The following SGMS2 variants were observed in gnomAD, a reference collection of about 807,000 sequenced individuals.
SGMS2 encodes the protein phosphatidylcholine:ceramide cholinephosphotransferase 2.
In SGMS2, 21 loss-of-function variants were observed where a neutral mutation model predicts 43.8. The ratio of observed to expected loss-of-function variants is 0.48; its 90% CI spans 0.34 to 0.69. The LOEUF (loss-of-function observed/expected upper bound fraction) is 0.69, where lower values mean the gene tolerates loss of function less well. Ranked by LOEUF, SGMS2 falls within the 30% of genes least tolerant of loss-of-function variation. SGMS2 has a pLI of 0.01. For missense variants in SGMS2, 384 were observed against 443.2 expected, an observed-to-expected ratio of 0.87 and a Z score of 1.20; for synonymous variants, 167 against 160.6, an observed-to-expected ratio of 1.04 and a Z score of -0.30.
intron 2 of SGMS2, among the ~76,000 whole-genome samples, chr4:107,859,251 G>T (rs535242906): frequency 6.6e-6 from 1 of 152,172 alleles, no homozygotes; most frequent in South Asian, 2.1e-4. Context: ...TGACCCTGAT[G>T]ATAGCTGTTT....
At chr4:107,832,214 T>C (rs937692446) in intron 1 of SGMS2, among the ~76,000 whole-genome samples, 2 of 152,196 alleles carry the variant, frequency 1.3e-5, no homozygotes, top group African/African-American at 4.8e-5. Flanking sequence ...AATATACCAG[T>C]TCTTCTGCAT....
chr4:107,861,440 G>A (rs1009894682), intron 2 of SGMS2, among the ~76,000 whole-genome samples: 8 of 152,164 alleles, frequency 5.3e-5, no homozygotes, highest in African/African-American at 1.9e-4. Context: ...GCTTCAGGAG[G>A]TCCACCTATC....
intron 1 of SGMS2, among the ~76,000 whole-genome samples, chr4:107,837,034 A>G (rs1023210193): frequency 2.0e-5 from 3 of 152,222 alleles, no homozygotes; most frequent in African/African-American, 4.8e-5. Context: ...TAATCAAATA[A>G]CTTCATGACA....
At position 107,895,861 on chromosome 4, in the gene SGMS2, G is replaced by A; in HGVS notation, c.308G>A (p.Arg103Lys). 11 of 1,613,912 alleles carry A rather than the reference G, an allele frequency of 6.8e-6. No individual in the cohort carries two copies. Among genetic ancestry groups the A allele is most frequent in the Non-Finnish European group, 9.3e-6 (11 of 1,179,942 alleles). Residue 103 changes from arginine to lysine, a missense_variant, in exon 3 of 7, where the codon AGG (arginine) becomes AAG (lysine). Transcript: ENST00000690982. ...TTVMITVVHE[R>K]VPPKELSPPL... ...GTCATGATCACAGTTGTACATGAGA[G>A]GGTCCCTCCCAAGGAGCTTAGCCCT...
chr4:107,876,073 C>G (rs1310272179), intron 2 of SGMS2, among the ~76,000 whole-genome samples: 1 of 152,184 alleles, frequency 6.6e-6, no homozygotes, highest in Non-Finnish European at 1.5e-5. Context: ...TGCCCAATTC[C>G]TGCTTCTAGG....
At chr4:107,890,511 C>T (rs1041844443) in intron 2 of SGMS2, among the ~76,000 whole-genome samples, 1 of 151,912 alleles carries the variant, frequency 6.6e-6, no homozygotes, top group African/African-American at 2.4e-5. Flanking sequence ...GTCATCTGTA[C>T]TAAACATACA....
intron 2 of SGMS2, among the ~76,000 whole-genome samples, chr4:107,866,167 G>A (rs199666610): frequency 6.6e-6 from 1 of 152,088 alleles, no homozygotes; most frequent in East Asian, 1.9e-4. Context: ...TGTTGTAGGG[G>A]CCATGGTTAT....
chr4:107,866,722 C>G (rs1728153818), intron 2 of SGMS2, among the ~76,000 whole-genome samples: 1 of 151,952 alleles, frequency 6.6e-6, no homozygotes, highest in Non-Finnish European at 1.5e-5. Context: ...TATTTCTTTT[C>G]TTTCTGTGAG....
rs1162005444 is a variant in SGMS2, at chr4:107,873,818, C to T, written c.-245+15265C>T. ...CACAATTTGGATTTTCATCCAAATACTCAGGATTTTAATGGCAAGGATTGA... is the reference window on the plus strand; with the variant it reads ...CACAATTTGGATTTTCATCCAAATATTCAGGATTTTAATGGCAAGGATTGA... On this transcript the variant is annotated intron_variant, in intron 2 of 6. Transcript: ENST00000690982. Among the ~76,000 whole-genome samples, 4 of 152,078 alleles carry T rather than the reference C, an allele frequency of 2.6e-5. 1 individual carries two copies. Among genetic ancestry groups the T allele is most frequent in the Admixed American group, 2.6e-4 (4 of 15,256 alleles).
intron 2 of SGMS2, among the ~76,000 whole-genome samples, chr4:107,876,273 G>A (rs896458445): frequency 6.6e-6 from 1 of 152,126 alleles, no homozygotes; most frequent in Non-Finnish European, 1.5e-5. Context: ...CATTTCTGCA[G>A]CAGCACAGGG....
intron 4 of SGMS2, among the ~76,000 whole-genome samples, chr4:107,901,908 CTT>C (rs773312563): frequency 7.0e-6 from 1 of 143,052 alleles, no homozygotes. Context: ...CCTTCTTCTT[CTT>C]TTTTTTTTTT....
chr4:107,895,110 A>C (rs749222959), intron 2 of SGMS2, among the ~76,000 whole-genome samples, 200 bp from the exon 3 acceptor site: 7 of 152,230 alleles, frequency 4.6e-5, no homozygotes, highest in Non-Finnish European at 8.8e-5. Flanking sequence ...CTAGCTCAAA[A>C]AGAGACAAGA....
intron 1 of SGMS2, among the ~76,000 whole-genome samples, chr4:107,844,367 G>A (rs1453621156): frequency 6.6e-6 from 1 of 151,402 alleles, no homozygotes; most frequent in East Asian, 2.0e-4. Context: ...CATTTGGCCA[G>A]GTTGGGTGGG....
At chr4:107,889,824 G>A (rs574119123) in intron 2 of SGMS2, among the ~76,000 whole-genome samples, 40 of 152,026 alleles carry the variant, frequency 2.6e-4, no homozygotes, top group Non-Finnish European at 3.4e-4. Context: ...AAGTCTAGAG[G>A]GAGATTAAAG....
At position 107,911,609 on chromosome 4, in the gene SGMS2, C is replaced by A. The variant is rs1410352906; in HGVS notation, c.*1056C>A. The A allele has an allele frequency of 6.6e-6, 1 of 152,226 alleles. No homozygotes were observed. Among genetic ancestry groups the A allele is most frequent in the African/African-American group, 2.4e-5 (1 of 41,454 alleles). 9.4% of individuals were successfully genotyped at this position (152,226 alleles called of 1,614,324 possible). On this transcript the variant is annotated 3_prime_UTR_variant, in exon 7 of 7. Transcript: ENST00000690982. ...AGATGGAACCTGAAAGTTAATGTAT[C>A]CTTGCTTTTAGCAAGAGACTCAGTT...
Position 107,855,801 on chromosome 4 carries a change from A to C in SGMS2, c.-326-2671A>C, listed in dbSNP as rs917785918. Among the ~76,000 whole-genome samples, 21 of 152,152 alleles carry C rather than the reference A, an allele frequency of 1.4e-4. 1 individual carries two copies. The highest frequency in any genetic ancestry group is 3.9e-4 in the Admixed American group (6 of 15,258). ...AAGTGGGGTGTTGAAGTCCTCTACT[A>C]TTATTGTTTTGCAATCTGTCTCTCC... On this transcript the variant is annotated intron_variant, in intron 1 of 6. Coordinates refer to ENST00000690982, the MANE Select transcript of SGMS2 (RefSeq NM_001375905.1).
At chr4:107,898,746 ACAG>A (rs1364478953) in intron 3 of SGMS2, among the ~76,000 whole-genome samples, 1 of 152,180 alleles carries the variant, frequency 6.6e-6, no homozygotes, top group East Asian at 1.9e-4. Context: ...CCTTTTGAAG[ACAG>A]GATCCTCCGT....
intron 2 of SGMS2, among the ~76,000 whole-genome samples, chr4:107,882,235 C>A (rs1490594071): frequency 6.6e-6 from 1 of 152,136 alleles, no homozygotes; most frequent in Non-Finnish European, 1.5e-5. Flanking sequence ...CAACAGTGTA[C>A]AAGGATTCCC....
intron 2 of SGMS2, among the ~76,000 whole-genome samples, chr4:107,880,321 CT>C (rs1296859920): frequency 6.6e-6 from 1 of 152,120 alleles, no homozygotes; most frequent in Non-Finnish European, 1.5e-5. Flanking sequence ...GACAAGGACT[CT>C]TTTCAATGTT....
Sources: gnomAD v4.1 joint callset for allele counts (sites outside exome capture counted in the v4.1 genomes callset) on GRCh38, gnomAD v4.1.1 for gene constraint, MANE v1.5 for transcripts, NCBI Gene and HGNC (gene_info 2026-07-23, HGNC 2026-07-21) for gene names.